RBFOX1: variants seen among roughly 807,000 people sequenced by gnomAD.
RBFOX1 encodes RNA binding protein fox-1 homolog 1.
Under a neutral mutation model 57.7 loss-of-function variants are expected in RBFOX1, and 8 were observed. That is an observed-to-expected ratio of 0.14 (90% CI 0.08 to 0.25). The LOEUF is 0.25. Ranked by LOEUF, RBFOX1 falls within the 10% of genes least tolerant of loss-of-function variation. The pLI, the probability that RBFOX1 is intolerant of heterozygous loss-of-function variation, is 1.00. For synonymous variants in RBFOX1, 326 were observed against 222.4 expected, an observed-to-expected ratio of 1.47 and a Z score of -4.15; for missense variants, 611 against 548.5, an observed-to-expected ratio of 1.11 and a Z score of -1.14.
intron 1 of RBFOX1, among the ~76,000 whole-genome samples, chr16:5,358,279 A>G (rs1017384992): frequency 3.5e-5 from 5 of 144,716 alleles, no homozygotes; most frequent in African/African-American, 1.5e-4. Flanking sequence ...ACATAGTTTT[A>G]TGGGATTAGG....
chr16:6,744,368 A>G (rs1603500343), intron 3 of RBFOX1, among the ~76,000 whole-genome samples: 1 of 152,102 alleles, frequency 6.6e-6, no homozygotes, highest in East Asian at 1.9e-4. Flanking sequence ...TGACTGTAGA[A>G]CCCTCTATCC....
chr16:6,701,645 T>G (rs911902563), intron 3 of RBFOX1, among the ~76,000 whole-genome samples: 3 of 152,112 alleles, frequency 2.0e-5, no homozygotes, highest in African/African-American at 7.2e-5. Context: ...AAGGCGTACG[T>G]ACACCTGTGT....
intron 4 of RBFOX1, among the ~76,000 whole-genome samples, chr16:5,910,806 C>A (rs1597752499): frequency 6.6e-6 from 1 of 152,264 alleles, no homozygotes; most frequent in Non-Finnish European, 1.5e-5. Flanking sequence ...TCTCTGTGTG[C>A]AGTGCAGGCT....
intron 3 of RBFOX1, among the ~76,000 whole-genome samples, chr16:6,945,679 T>A (rs1393284643): frequency 6.6e-6 from 1 of 151,996 alleles, no homozygotes; most frequent in African/African-American, 2.4e-5. Flanking sequence ...TTACCTGAGG[T>A]CAGGAGTTCA....
chr16:6,640,052 A>G (rs1474957537), intron 2 of RBFOX1, among the ~76,000 whole-genome samples: 2 of 152,170 alleles, frequency 1.3e-5, no homozygotes, highest in African/African-American at 4.8e-5. Flanking sequence ...AAACTAAAGA[A>G]CAGATAAGTT....
chr16:6,519,593 C>G (rs779572617), intron 2 of RBFOX1, among the ~76,000 whole-genome samples: 3 of 152,078 alleles, frequency 2.0e-5, no homozygotes, highest in Non-Finnish European at 2.9e-5. Context: ...TCCAGCTACT[C>G]AGGAGGCTGA....
intron 15 of RBFOX1, chr16:7,709,890 T>G (rs2083675262): frequency 9.2e-7 from 1 of 1,087,650 alleles, no homozygotes; most frequent in Non-Finnish European, 1.1e-6. Flanking sequence ...ATTACAAAGC[T>G]TTGGCATGCA....
intron 2 of RBFOX1, among the ~76,000 whole-genome samples, chr16:6,392,465 A>G (rs2092647560): frequency 6.6e-6 from 1 of 152,196 alleles, no homozygotes. Context: ...CTATCTCTGG[A>G]ATAATAATTA....
chr16:6,890,492 C>G (rs371790115), intron 3 of RBFOX1, among the ~76,000 whole-genome samples: 8 of 151,600 alleles, frequency 5.3e-5, no homozygotes, highest in African/African-American at 1.9e-4. Flanking sequence ...GCACTCCAGC[C>G]TGGGCAACAG....
intron 2 of RBFOX1, among the ~76,000 whole-genome samples, chr16:5,597,687 C>G (rs1038142033): frequency 6.6e-6 from 1 of 152,040 alleles, no homozygotes; most frequent in Non-Finnish European, 1.5e-5. Flanking sequence ...CATTGTAGAG[C>G]TTTAGGCATT....
intron 4 of RBFOX1, among the ~76,000 whole-genome samples, chr16:7,515,719 A>C (rs553130997): frequency 6.6e-6 from 1 of 152,228 alleles, no homozygotes; most frequent in African/African-American, 2.4e-5. Context: ...GCTGGATTCA[A>C]CACTTCAAAT....
intron 2 of RBFOX1, among the ~76,000 whole-genome samples, chr16:6,647,784 G>A (rs1000736479): frequency 9.9e-5 from 15 of 152,086 alleles, no homozygotes; most frequent in Non-Finnish European, 1.0e-4. Context: ...CACTAGGTTG[G>A]AATGCAGTGG....
Position 6,227,061 on chromosome 16 carries a change from T to G in RBFOX1, c.-126-89934T>G, listed in dbSNP as rs1323852079. On this transcript the variant is annotated intron_variant, in intron 1 of 15. Coordinates refer to ENST00000550418, the MANE Select transcript of RBFOX1 (RefSeq NM_018723.4). ...ATCGCTTGAATCTGGGAGGCAGAGGTTGCAGTGAGCCGAGATTGTGCCACT... is the reference window on the plus strand; with the variant it reads ...ATCGCTTGAATCTGGGAGGCAGAGGGTGCAGTGAGCCGAGATTGTGCCACT... Among the ~76,000 whole-genome samples, 4 of 151,614 alleles carry G rather than the reference T, an allele frequency of 2.6e-5. No homozygotes were observed. In the East Asian group the frequency reaches 7.8e-4, roughly 29 times the overall value.
intron 4 of RBFOX1, among the ~76,000 whole-genome samples, chr16:7,160,992 C>T (rs1205150433): frequency 6.6e-6 from 1 of 152,152 alleles, no homozygotes; most frequent in Non-Finnish European, 1.5e-5. Context: ...AGAAGCTAAC[C>T]CTTTATTTTC....
At chr16:5,484,618 A>G (rs2069660880) in intron 2 of RBFOX1, among the ~76,000 whole-genome samples, 2 of 152,108 alleles carry the variant, frequency 1.3e-5, no homozygotes, top group South Asian at 4.2e-4. Flanking sequence ...TCTGTACAAA[A>G]AATTTTTAAA....
intron 3 of RBFOX1, among the ~76,000 whole-genome samples, chr16:6,662,880 C>G (rs370346046): frequency 2.0e-4 from 31 of 152,262 alleles, no homozygotes; most frequent in African/African-American, 6.7e-4. Context: ...AACAAATACT[C>G]CCATAGACTC....
At chr16:6,328,961 T>G (rs907206693) in intron 2 of RBFOX1, among the ~76,000 whole-genome samples, 2 of 152,184 alleles carry the variant, frequency 1.3e-5, no homozygotes, top group East Asian at 3.9e-4. Context: ...GATGTCTATG[T>G]GAAAGAAAGA....
At chr16:5,378,515 G>T (rs180920108) in intron 1 of RBFOX1, among the ~76,000 whole-genome samples, 2 of 151,426 alleles carry the variant, frequency 1.3e-5, no homozygotes, top group African/African-American at 4.9e-5. Context: ...AACTATTTTC[G>T]TTCTGTGAAT....
chr16:5,688,708 A>G (rs1362508708), intron 3 of RBFOX1, among the ~76,000 whole-genome samples: 1 of 152,236 alleles, frequency 6.6e-6, no homozygotes, highest in Non-Finnish European at 1.5e-5. Flanking sequence ...ATCTTGGGTG[A>G]CATAATGGCA....
Sources: gnomAD v4.1 joint callset for allele counts (sites outside exome capture counted in the v4.1 genomes callset) on GRCh38, gnomAD v4.1.1 for gene constraint, MANE v1.5 for transcripts, NCBI Gene and HGNC (gene_info 2026-07-23, HGNC 2026-07-21) for gene names.